SIL1: variants seen among roughly 807,000 people sequenced by gnomAD.
The protein encoded by SIL1 is SIL1 nucleotide exchange factor.
In SIL1, 40 loss-of-function variants were observed where a neutral mutation model predicts 49.1. The ratio of observed to expected loss-of-function variants is 0.81; its 90% CI spans 0.63 to 1.06. SIL1 has a LOEUF of 1.06. SIL1 is among the 50% of genes least tolerant of loss of function. The pLI is 0.00. For synonymous variants in SIL1, 253 were observed against 250.8 expected (o/e 1.01, Z -0.08); for missense variants, 500 against 572.6 (o/e 0.87, Z 1.29).
At chr5:139,095,516 C>A (rs954090410) in intron 3 of SIL1, among the ~76,000 whole-genome samples, 1 of 152,206 alleles carries the variant, frequency 6.6e-6, no homozygotes, top group Non-Finnish European at 1.5e-5. Flanking sequence ...CTTGCCTTGG[C>A]CTCTCAAACT....
intron 1 of SIL1, among the ~76,000 whole-genome samples, chr5:139,140,218 C>T (rs1441444945): frequency 5.9e-5 from 9 of 151,336 alleles, no homozygotes; most frequent in African/African-American, 1.2e-4. Context: ...TGCAGTGAGC[C>T]GAGATCGAGC....
chr5:138,990,244 A>G (rs974017220), intron 7 of SIL1, among the ~76,000 whole-genome samples: 7 of 152,218 alleles, frequency 4.6e-5, no homozygotes, highest in Admixed American at 3.9e-4. Flanking sequence ...GAGCAAAGGC[A>G]CCAGTGTGAC....
In SIL1 at chr5:139,023,232, C is replaced by G. The variant is rs559881391; in HGVS notation, c.646-1940G>C. 3.5e-3 allele frequency among the ~76,000 whole-genome samples: 530 copies of G among 152,270 alleles called. 4 individuals are homozygous for G. The highest frequency in any genetic ancestry group is 6.2e-3 in the Non-Finnish European group (424 of 68,022). On this transcript the variant is annotated intron_variant, in intron 6 of 9. Coordinates refer to ENST00000394817, the MANE Select transcript of SIL1 (RefSeq NM_022464.5). ...AGTGCACATCAAAAGCTGGGCCCCC[C>G]CCTGGTGACATACAGGAGAAACCAT...
chr5:139,001,777 C>T (rs983613981), intron 7 of SIL1, among the ~76,000 whole-genome samples: 3 of 151,886 alleles, frequency 2.0e-5, no homozygotes, highest in African/African-American at 2.4e-5. Flanking sequence ...TGGTGGCGGG[C>T]GCCTATAGTC....
At position 138,951,777 on chromosome 5, in the gene SIL1, T is replaced by G; in HGVS notation, c.864+11A>C. The G allele has an allele frequency of 6.2e-7, 1 of 1,613,388 alleles. No individual in the cohort carries two copies. Among genetic ancestry groups the G allele is most frequent in the Middle Eastern group, 1.6e-4 (1 of 6,062 alleles). ...TGGAGGCTGGGCAGGAGGAAGGGCA[T>G]GGAAACACACCTTCTTCTTTGCAGT... On this transcript the variant is annotated intron_variant, in intron 8 of 9. Coordinates refer to ENST00000394817, the MANE Select transcript of SIL1 (RefSeq NM_022464.5).
At chr5:139,054,433 T>C (rs1464947966) in intron 3 of SIL1, among the ~76,000 whole-genome samples, 1 of 151,970 alleles carries the variant, frequency 6.6e-6, no homozygotes, top group East Asian at 1.9e-4. Flanking sequence ...TAATAATTAT[T>C]TGTTAAGTGA....
intron 7 of SIL1, among the ~76,000 whole-genome samples, chr5:138,967,682 C>T (rs113560967): frequency 7.8e-4 from 119 of 152,150 alleles, no homozygotes; most frequent in African/African-American, 2.5e-3. Flanking sequence ...AATGTCACAA[C>T]GACAAAAAAT....
chr5:139,096,298 C>T (rs1770465449), intron 3 of SIL1, among the ~76,000 whole-genome samples: 1 of 152,188 alleles, frequency 6.6e-6, no homozygotes, highest in Non-Finnish European at 1.5e-5. Flanking sequence ...TGAGTTCCCA[C>T]AAACCTTGCC....
chr5:139,131,819 G>A (rs1750870600), intron 1 of SIL1: 1 of 152,660 alleles, frequency 6.6e-6, no homozygotes, highest in Non-Finnish European at 1.5e-5. Context: ...CACAACAGGA[G>A]GGAGAAGGCT....
chr5:138,951,408 G>C, intron 8 of SIL1, 73 bp from the exon 9 acceptor site: 2 of 1,490,182 alleles, frequency 1.3e-6, no homozygotes, highest in Non-Finnish European at 1.8e-6. Flanking sequence ...GGGAAGGCAG[G>C]CAGAGGTGCC....
rs933208452 is a variant in SIL1 at position 138,951,645 on chromosome 5, G to T, written c.864+143C>A. On this transcript the variant is annotated intron_variant, in intron 8 of 9. Transcript: ENST00000394817. Reference sequence around the variant, plus strand: ...CGGCACACTGCCATCTGCTTTAGTTGAGTGTAACTTCTCCCCCTGTGCCAC... The same window carrying T: ...CGGCACACTGCCATCTGCTTTAGTTTAGTGTAACTTCTCCCCCTGTGCCAC... 30 of 823,260 alleles carry T rather than the reference G, an allele frequency of 3.6e-5. No homozygotes were observed. The African/African-American group carries it at 4.7e-4, about 13-fold the overall frequency. 51.0% of individuals were successfully genotyped at this position (823,260 alleles called of 1,614,324 possible). A position where few individuals can be genotyped will look rare whatever the true frequency, so the allele number is the denominator to read the frequency against.
At chr5:139,101,497 A>G (rs1471817430) in intron 3 of SIL1, among the ~76,000 whole-genome samples, 1 of 152,222 alleles carries the variant, frequency 6.6e-6, no homozygotes, top group Non-Finnish European at 1.5e-5. Flanking sequence ...TGTGTGGCTA[A>G]CTGTATATAA....
chr5:139,080,664 G>C (rs572451641), intron 3 of SIL1, among the ~76,000 whole-genome samples: 56 of 152,282 alleles, frequency 3.7e-4, no homozygotes, highest in African/African-American at 1.3e-3. Flanking sequence ...TCATTGTCCA[G>C]TACATGGTTA....
intron 3 of SIL1, chr5:139,093,698 G>C (rs1432367502): frequency 6.6e-6 from 1 of 152,134 alleles, no homozygotes; most frequent in Non-Finnish European, 1.5e-5. Context: ...TAATTCCCTT[G>C]GGATCACATG....
At chr5:139,107,107 C>A (rs1770730851) in intron 3 of SIL1, among the ~76,000 whole-genome samples, 1 of 152,210 alleles carries the variant, frequency 6.6e-6, no homozygotes, top group Admixed American at 6.5e-5. Flanking sequence ...GCTGCAGGAT[C>A]TGATCTGGGG....
chr5:139,179,650 G>C (rs1353966216), intron 1 of SIL1, among the ~76,000 whole-genome samples: 1 of 152,066 alleles, frequency 6.6e-6, no homozygotes, highest in Non-Finnish European at 1.5e-5. Context: ...GTACTTTATA[G>C]ACAGGGCTAT....
At chr5:139,171,207 C>T (rs1751756487) in intron 1 of SIL1, among the ~76,000 whole-genome samples, 1 of 152,206 alleles carries the variant, frequency 6.6e-6, no homozygotes, top group South Asian at 2.1e-4. Context: ...GTGTACCCAA[C>T]AGCTCATTGA....
At chr5:138,971,606 CG>C (rs1767277877) in intron 7 of SIL1, among the ~76,000 whole-genome samples, 1 of 152,182 alleles carries the variant, frequency 6.6e-6, no homozygotes, top group African/African-American at 2.4e-5. Context: ...GCACCTTTGA[CG>C]GGGGTCAAGA....
At chr5:139,195,608 C>G (rs1021557083) in intron 1 of SIL1, among the ~76,000 whole-genome samples, 1 of 151,800 alleles carries the variant, frequency 6.6e-6, no homozygotes, top group African/African-American at 2.4e-5. Context: ...AGGATGGTCT[C>G]GATCTCCTGA....
Sources: gnomAD v4.1 joint callset for allele counts (sites outside exome capture counted in the v4.1 genomes callset) on GRCh38, gnomAD v4.1.1 for gene constraint, MANE v1.5 for transcripts, NCBI Gene and HGNC (gene_info 2026-07-23, HGNC 2026-07-21) for gene names.